The following EDIL3 variants were observed in gnomAD, a reference collection of about 807,000 sequenced individuals.
The protein encoded by EDIL3 is EGF-like repeat and discoidin I-like domain-containing protein 3.
In EDIL3, 37 loss-of-function variants were observed where a neutral mutation model predicts 67.4. The observed-to-expected ratio is 0.55, with a 90% CI of 0.42 to 0.72. The LOEUF (loss-of-function observed/expected upper bound fraction) is 0.72. Ranked by LOEUF, EDIL3 falls within the 30% of genes least tolerant of loss-of-function variation. The probability of loss-of-function intolerance (pLI) is 0.00; values close to 1 mark genes in which losing one functional copy is unlikely to be tolerated. For missense variants in EDIL3, 527 were observed against 586.3 expected (o/e 0.90, Z 1.04); for synonymous variants, 195 against 196.3 (o/e 0.99, Z 0.05).
At chr5:84,256,489 G>A (rs1745126473) in intron 1 of EDIL3, among the ~76,000 whole-genome samples, 1 of 152,088 alleles carries the variant, frequency 6.6e-6, no homozygotes, top group South Asian at 2.1e-4. Flanking sequence ...CAGGCAAAGG[G>A]AATAACACAC....
intron 6 of EDIL3, among the ~76,000 whole-genome samples, chr5:84,075,426 G>A (rs1278099216): frequency 6.6e-6 from 1 of 152,002 alleles, no homozygotes; most frequent in Non-Finnish European, 1.5e-5. Flanking sequence ...TGATAATCTG[G>A]GGGAAGATAT....
chr5:84,063,713 T>C (rs1260221500), intron 8 of EDIL3, among the ~76,000 whole-genome samples: 2 of 152,152 alleles, frequency 1.3e-5, no homozygotes, highest in Non-Finnish European at 2.9e-5. Flanking sequence ...AGCTCACAGT[T>C]GTCTCTTTGC....
rs1056766702 is a variant in EDIL3 at position 84,060,568 on chromosome 5, A to G, written c.953-84T>C. 6.3e-6 allele frequency: 9 copies of G among 1,420,978 alleles called. No individual in the cohort carries two copies. In the African/African-American group the frequency reaches 7.2e-5, roughly 11 times the overall value. 88.0% of individuals were successfully genotyped at this position (1,420,978 alleles called of 1,614,324 possible). On this transcript the variant is annotated intron_variant, in intron 8 of 10. Transcript: ENST00000296591. ...GCATTCATTTTGGATAGGCAAGAGA[A>G]GATTAAACATAATGCTATTCATTCC...
intron 9 of EDIL3, among the ~76,000 whole-genome samples, chr5:84,008,115 G>T (rs1258723340): frequency 6.6e-6 from 1 of 152,070 alleles, no homozygotes; most frequent in Non-Finnish European, 1.5e-5. Context: ...ATAGAATGAG[G>T]GTTACCAGAG....
intron 3 of EDIL3, among the ~76,000 whole-genome samples, chr5:84,215,654 CCTCT>C (rs1744213727): frequency 6.6e-6 from 1 of 152,124 alleles, no homozygotes; most frequent in Non-Finnish European, 1.5e-5. Flanking sequence ...CAAAGGAAGG[CCTCT>C]CTGAGAATGC....
intron 6 of EDIL3, among the ~76,000 whole-genome samples, chr5:84,096,421 G>A (rs767487242): frequency 6.6e-6 from 1 of 152,208 alleles, no homozygotes; most frequent in Non-Finnish European, 1.5e-5. Context: ...AGTCAAAGGA[G>A]ACCATTTTGG....
At chr5:83,953,701 C>G (rs1412907785) in intron 10 of EDIL3, among the ~76,000 whole-genome samples, 1 of 151,744 alleles carries the variant, frequency 6.6e-6, no homozygotes, top group East Asian at 1.9e-4. Flanking sequence ...GAGAGGACTG[C>G]CTCTTCACAC....
chr5:84,086,878 G>A (rs1163650898), intron 6 of EDIL3, among the ~76,000 whole-genome samples: 2 of 152,120 alleles, frequency 1.3e-5, no homozygotes, highest in Non-Finnish European at 2.9e-5. Context: ...GTATATACCT[G>A]ATCCCACGGT....
chr5:84,077,229 G>C (rs930856599), intron 6 of EDIL3, among the ~76,000 whole-genome samples: 1 of 152,158 alleles, frequency 6.6e-6, no homozygotes, highest in African/African-American at 2.4e-5. Context: ...CGTTAACAGA[G>C]TAAAAGTGGC....
chr5:84,164,067 A>C (rs1194936543), intron 4 of EDIL3, among the ~76,000 whole-genome samples: 3 of 152,122 alleles, frequency 2.0e-5, no homozygotes, highest in Non-Finnish European at 4.4e-5. Flanking sequence ...TGATTTTCTC[A>C]TCATATATGC....
chr5:84,242,228 T>C (rs1156573607), intron 2 of EDIL3, among the ~76,000 whole-genome samples: 3 of 150,250 alleles, frequency 2.0e-5, no homozygotes, highest in Non-Finnish European at 4.4e-5. Flanking sequence ...CGAGACTCTG[T>C]CTCAAAAAAA....
Position 83,943,265 on chromosome 5 carries a change from C to G in EDIL3, c.*154G>C. 1.4e-5 allele frequency: 13 copies of G among 939,140 alleles called. No individual in the cohort carries two copies. Among genetic ancestry groups the G allele is most frequent in the Non-Finnish European group, 2.0e-5 (13 of 637,830 alleles). The allele number at this position is 939,140 out of a possible 1,614,324, so 58.2% of individuals were successfully genotyped here. A position where few individuals can be genotyped will look rare whatever the true frequency, so the allele number is the denominator to read the frequency against. On this transcript the variant is annotated 3_prime_UTR_variant, in exon 11 of 11. Transcript: ENST00000296591. ...TCATTGAAAAGGCAGGCTTAGACCC[C>G]CTTAAAAACACCGTTAGTTGCCTAC...
At chr5:84,237,061 T>C (rs1428523109) in intron 2 of EDIL3, among the ~76,000 whole-genome samples, 1 of 152,030 alleles carries the variant, frequency 6.6e-6, no homozygotes, top group Non-Finnish European at 1.5e-5. Flanking sequence ...AGATATGAAT[T>C]TCAGATGGTC....
intron 6 of EDIL3, among the ~76,000 whole-genome samples, chr5:84,071,183 T>C (rs939078829): frequency 3.3e-5 from 5 of 152,130 alleles, no homozygotes; most frequent in Admixed American, 1.3e-4. Context: ...ATGAAGTATT[T>C]TGTGGGAAAG....
At chr5:84,271,982 T>C (rs1351849627) in intron 1 of EDIL3, among the ~76,000 whole-genome samples, 1 of 152,176 alleles carries the variant, frequency 6.6e-6, no homozygotes, top group Non-Finnish European at 1.5e-5. Context: ...TAAAAAGTTT[T>C]GTTTTGTTCT....
chr5:83,943,538 G>A lies in EDIL3; in HGVS notation c.1324C>T (p.His442Tyr). ...VFQGNFDNDT[H>Y]RKNVIDPPIY... ...GGAGGGTCGATGACATTTTTTCTGT[G>A]AGTGTCATTGTCAAAATTTCCCTGG... The change falls in exon 11 of 11, where the codon CAC becomes TAC. Residue 442 changes from histidine to tyrosine, a missense_variant. Physicochemically the swap from His to Tyr is moderately conservative, Grantham distance 83. This residue lies in a region of EDIL3 where 33 missense variants were observed against 63.7 expected (regional missense o/e 0.52). Coordinates refer to ENST00000296591, the MANE Select transcript of EDIL3 (RefSeq NM_005711.5). 6.2e-7 allele frequency: 1 copy of A among 1,612,302 alleles called. No homozygotes were observed. Among genetic ancestry groups the A allele is most frequent in the Non-Finnish European group, 8.5e-7 (1 of 1,178,968 alleles).
At chr5:84,250,999 T>C (rs1745013890) in intron 2 of EDIL3, among the ~76,000 whole-genome samples, 1 of 152,162 alleles carries the variant, frequency 6.6e-6, no homozygotes, top group East Asian at 1.9e-4. Context: ...CATGTGTTTT[T>C]TGTTTGTTTG....
intron 10 of EDIL3, among the ~76,000 whole-genome samples, chr5:83,962,817 T>C (rs1021329106): frequency 4.6e-5 from 7 of 151,650 alleles, no homozygotes; most frequent in South Asian, 4.1e-4. Context: ...AAGAACATTT[T>C]ATCTAACATC....
intron 8 of EDIL3, among the ~76,000 whole-genome samples, chr5:84,061,263 A>G (rs16900865): frequency 0.057 from 8,647 of 152,190 alleles, 826 homozygotes; most frequent in African/African-American, 0.2. Flanking sequence ...TACCACATGT[A>G]TTTTTGAGTT....
Sources: allele counts gnomAD v4.1 joint callset (sites outside exome capture counted in the v4.1 genomes callset), GRCh38; gene constraint gnomAD v4.1.1; regional missense constraint gnomAD v4.1.1; transcripts MANE v1.5; gene names NCBI Gene and HGNC (gene_info 2026-07-23, HGNC 2026-07-21).